Variants in SEMA3A observed in about 807,000 individuals in gnomAD.
The protein encoded by SEMA3A is semaphorin 3A.
In SEMA3A, 29 loss-of-function variants were observed where a neutral mutation model predicts 97.9. The ratio of observed to expected loss-of-function variants is 0.30; its 90% confidence interval spans 0.22 to 0.40. The LOEUF is 0.40. Ranked by LOEUF, SEMA3A falls within the 10% of genes least tolerant of loss-of-function variation. The pLI, the probability that SEMA3A is intolerant of heterozygous loss-of-function variation, is 1.00. For missense variants in SEMA3A, 763 were observed against 951.3 expected, an observed-to-expected ratio of 0.80 and a Z score of 2.60; for synonymous variants, 321 against 323.7, an observed-to-expected ratio of 0.99 and a Z score of 0.09.
At chr7:84,024,143 A>T (rs553078877) in intron 6 of SEMA3A, among the ~76,000 whole-genome samples, 1 of 152,372 alleles carries the variant, frequency 6.6e-6, no homozygotes, top group African/African-American at 2.4e-5. Flanking sequence ...AAAAGAAGCA[A>T]GTATTTCCTT....
intron 2 of SEMA3A, among the ~76,000 whole-genome samples, chr7:84,369,768 TTA>T (rs944676579): frequency 8.1e-4 from 120 of 148,978 alleles, no homozygotes; most frequent in African/African-American, 2.9e-3. Flanking sequence ...AAATATATAT[TTA>T]TATATATAAT....
At chr7:84,140,580 A>C (rs1044957274) in intron 1 of SEMA3A, among the ~76,000 whole-genome samples, 18 of 152,094 alleles carry the variant, frequency 1.2e-4, no homozygotes, top group Non-Finnish European at 1.9e-4. Context: ...TGTCCTTTTC[A>C]TAGAACAGTC....
At chr7:83,961,882 C>T (rs1788487679) in intron 16 of SEMA3A, 56 bp from the exon 17 acceptor site, 2 of 1,304,158 alleles carry the variant, frequency 1.5e-6, no homozygotes, top group African/African-American at 3.0e-5. Context: ...GAAATAGAAG[C>T]TCTGAAACTC....
intron 1 of SEMA3A, among the ~76,000 whole-genome samples, chr7:84,439,032 G>C (rs575335753): frequency 6.6e-6 from 1 of 151,544 alleles, no homozygotes; most frequent in Admixed American, 6.6e-5. Context: ...TGAGCAGGTT[G>C]ATACAGCAGT....
intron 3 of SEMA3A, among the ~76,000 whole-genome samples, chr7:84,212,892 C>T (rs1410694652): frequency 2.1e-4 from 32 of 152,110 alleles, no homozygotes; most frequent in Admixed American, 2.0e-3. Context: ...ATAAGTAGTA[C>T]ATAACAGCAA....
chr7:84,235,310 C>T (rs1799210652), intron 3 of SEMA3A, among the ~76,000 whole-genome samples: 1 of 151,786 alleles, frequency 6.6e-6, no homozygotes, highest in Admixed American at 6.6e-5. Flanking sequence ...TGGTATGATG[C>T]ATATGATTAT....
chr7:84,020,965 A>T (rs1791307444), intron 6 of SEMA3A, among the ~76,000 whole-genome samples: 1 of 152,206 alleles, frequency 6.6e-6, no homozygotes, highest in Admixed American at 6.5e-5. Context: ...TTTAAGACAT[A>T]CAAACCAAAA....
intron 3 of SEMA3A, among the ~76,000 whole-genome samples, chr7:84,302,098 C>T (rs989533942): frequency 6.6e-6 from 1 of 151,756 alleles, no homozygotes; most frequent in Non-Finnish European, 1.5e-5. Context: ...GACTACCATT[C>T]AGTAATAAAA....
chr7:84,056,239 C>G lies in SEMA3A; in HGVS notation c.547+4226G>C, dbSNP rs182194494. Among the ~76,000 whole-genome samples, 3 of 152,316 alleles carry G rather than the reference C, an allele frequency of 2.0e-5. No homozygotes were observed. In the East Asian group the frequency reaches 5.8e-4, roughly 29 times the overall value. On this transcript the variant is annotated intron_variant, in intron 5 of 16. Coordinates refer to ENST00000265362, the MANE Select transcript of SEMA3A (RefSeq NM_006080.3). ...AGATGAACAAAAACAGTTTTGTGAACTGCATTTCTATTATGGCTTAGTTGC... is the reference window on the plus strand; with the variant it reads ...AGATGAACAAAAACAGTTTTGTGAAGTGCATTTCTATTATGGCTTAGTTGC...
rs1801408690 is a variant in SEMA3A at position 84,313,388 on chromosome 7, AT to A, written c.-168-6097del. On this transcript the variant is annotated intron_variant, in intron 2 of 3. Coordinates refer to the SEMA3A transcript ENST00000424555. ...TATATATATATATATATATATATAT[AT>A]ATATATATATATATATAAACTATAC... Among the ~76,000 whole-genome samples, 7 of 100,416 alleles carry A rather than the reference AT, an allele frequency of 7.0e-5. 1 individual carries two copies. Among genetic ancestry groups the A allele is most frequent in the African/African-American group, 6.7e-5 (2 of 29,956 alleles). The allele number at this position is 100,416 out of a possible 152,430, so 65.9% of individuals were successfully genotyped here.
chr7:84,055,046 A>G (rs890819970), intron 5 of SEMA3A, among the ~76,000 whole-genome samples: 5 of 152,082 alleles, frequency 3.3e-5, no homozygotes, highest in African/African-American at 1.2e-4. Flanking sequence ...CCACTTGAGG[A>G]GGCAGTCTGC....
chr7:84,289,625 T>C (rs1404709557), intron 3 of SEMA3A, among the ~76,000 whole-genome samples: 1 of 151,966 alleles, frequency 6.6e-6, no homozygotes, highest in African/African-American at 2.4e-5. Context: ...TAATGACAAA[T>C]GTTAGCAAGG....
At chr7:84,038,295 GCA>G (rs1438754268) in intron 6 of SEMA3A, among the ~76,000 whole-genome samples, 2 of 152,028 alleles carry the variant, frequency 1.3e-5, no homozygotes, top group Non-Finnish European at 2.9e-5. Flanking sequence ...ATATGTGGCT[GCA>G]CAGTTTAATG....
intron 14 of SEMA3A, among the ~76,000 whole-genome samples, chr7:83,980,603 C>CAAAAAAAAAAAAAAACAA: frequency 1.9e-5 from 1 of 53,970 alleles, no homozygotes; most frequent in South Asian, 5.5e-4. Flanking sequence ...GACTCCATCT[C>CAAAAAAAAAAAAAAACAA]AAAAAAAAAA....
chr7:84,202,162 C>T (rs1798373098), intron 3 of SEMA3A, among the ~76,000 whole-genome samples: 1 of 152,038 alleles, frequency 6.6e-6, no homozygotes, highest in Admixed American at 6.6e-5. Flanking sequence ...AATTGTACAA[C>T]ATGGCAACTA....
At chr7:84,184,621 C>CT (rs34241167) in intron 1 of SEMA3A, among the ~76,000 whole-genome samples, 18,773 of 145,692 alleles carry the variant, frequency 0.13, 1,191 homozygotes, top group Middle Eastern at 0.18. Flanking sequence ...GGGAGAAATC[C>CT]TTTTTTTTTT....
Position 84,191,766 on chromosome 7 carries a change from A to G in SEMA3A, c.112+2709T>C, listed in dbSNP as rs1289777833. Among the ~76,000 whole-genome samples, 3 of 151,744 alleles carry G rather than the reference A, an allele frequency of 2.0e-5. No homozygotes were observed. The East Asian group carries it at 5.8e-4, about 29-fold the overall frequency. Reference sequence around the variant, plus strand: ...CTGCTGAGATTTACAGAGTTCTCACATTTTCTTCCCCCATAAGGATTCTAA... The same window carrying G: ...CTGCTGAGATTTACAGAGTTCTCACGTTTTCTTCCCCCATAAGGATTCTAA... On this transcript the variant is annotated intron_variant, in intron 1 of 16. Transcript: ENST00000265362.
chr7:84,091,156 G>A (rs1280760381), intron 4 of SEMA3A, among the ~76,000 whole-genome samples: 5 of 32,132 alleles, frequency 1.6e-4, no homozygotes, highest in African/African-American at 4.8e-4. Context: ...AGGAAGGAAG[G>A]AAGGAAGGAA....
At chr7:84,280,740 C>T (rs1443203367) in intron 3 of SEMA3A, among the ~76,000 whole-genome samples, 1 of 152,042 alleles carries the variant, frequency 6.6e-6, no homozygotes, top group Non-Finnish European at 1.5e-5. Context: ...GAGATCGCCA[C>T]TGCACTCCAG....
Sources: allele counts gnomAD v4.1 joint callset (sites outside exome capture counted in the v4.1 genomes callset), GRCh38; gene constraint gnomAD v4.1.1; transcripts MANE v1.5; gene names NCBI Gene and HGNC (gene_info 2026-07-23, HGNC 2026-07-21).